Variants in SPAST observed in about 807,000 individuals in gnomAD.
SPAST encodes spastin.
A neutral mutation model predicts 76.6 loss-of-function variants in SPAST; 30 were observed. That is an observed-to-expected ratio of 0.39 (90% confidence interval 0.29 to 0.53). The LOEUF is 0.53. Ranked by LOEUF, SPAST falls within the 20% of genes least tolerant of loss-of-function variation. The pLI is 0.68. For missense variants in SPAST, 717 were observed against 770.5 expected (o/e 0.93, Z 0.82); for synonymous variants, 305 against 281.0 (o/e 1.09, Z -0.86).
At chr2:32,083,741 T>TTATATATACTATATATATA (rs1677340724) in intron 1 of SPAST, among the ~76,000 whole-genome samples, 2 of 57,136 alleles carry the variant, frequency 3.5e-5, no homozygotes, top group African/African-American at 7.0e-5. Context: ...CTATATATAT[T>TTATATATACTATATATATA]TATATATACT....
intron 1 of SPAST, among the ~76,000 whole-genome samples, chr2:32,080,735 G>A (rs1187051953): frequency 7.0e-6 from 1 of 143,014 alleles, no homozygotes; most frequent in Non-Finnish European, 1.5e-5. Flanking sequence ...TTAAGGGATT[G>A]AAATAATTTG....
rs72796870 is a variant in SPAST at position 32,157,509 on chromosome 2, T to C, written c.*3013T>C. On this transcript the variant is annotated 3_prime_UTR_variant, in exon 17 of 17. Coordinates refer to ENST00000315285, the MANE Select transcript of SPAST (RefSeq NM_014946.4). ...GTTTTGGACTCTGAGTCAAAGGATT[T>C]TCCTTTAAATGCTTGTCTCAATTTT... 3,023 of 152,750 alleles carry C rather than the reference T, an allele frequency of 0.02. 59 individuals are homozygous for C. Among genetic ancestry groups the C allele is most frequent in the Non-Finnish European group, 0.03 (2,009 of 68,018 alleles). 9.5% of individuals were successfully genotyped at this position (152,750 alleles called of 1,614,324 possible). A position where few individuals can be genotyped will look rare whatever the true frequency, so the allele number is the denominator to read the frequency against.
At chr2:32,143,456 A>AT (rs1558340921) in intron 14 of SPAST, 41 bp downstream of exon 14, 3 of 1,170,950 alleles carry the variant, frequency 2.6e-6, no homozygotes, top group South Asian at 2.6e-5. Context: ...GCTTTTATTT[A>AT]TTTTTTGTAA....
At chr2:32,088,043 G>A (rs180785542) in intron 2 of SPAST, among the ~76,000 whole-genome samples, 1 of 151,672 alleles carries the variant, frequency 6.6e-6, no homozygotes, top group Non-Finnish European at 1.5e-5. Flanking sequence ...GCATGCCACC[G>A]TGCCCAGCTA....
intron 4 of SPAST, among the ~76,000 whole-genome samples, chr2:32,106,850 G>A (rs750771683): frequency 5.3e-5 from 8 of 151,012 alleles, no homozygotes; most frequent in African/African-American, 1.7e-4. Context: ...TTCTTTTAGC[G>A]TGGCTGTGAA....
chr2:32,121,799 C>T (rs1214465104), intron 7 of SPAST, among the ~76,000 whole-genome samples: 4 of 152,142 alleles, frequency 2.6e-5, no homozygotes, highest in African/African-American at 9.7e-5. Context: ...CTGCTTTGGC[C>T]TCCCAGAGTG....
intron 3 of SPAST, among the ~76,000 whole-genome samples, chr2:32,096,831 A>G (rs1215399292): frequency 6.6e-6 from 1 of 151,818 alleles, no homozygotes; most frequent in Non-Finnish European, 1.5e-5. Flanking sequence ...CAGCATGGTC[A>G]TTTAAAGAGT....
At chr2:32,129,974 G>A (rs1679315908) in intron 9 of SPAST, 1 of 153,088 alleles carries the variant, frequency 6.5e-6, no homozygotes, top group African/African-American at 2.4e-5. Context: ...ACTCCAGCCT[G>A]AGTGACAGTG....
In SPAST at chr2:32,115,773, GAAGAATTTT is replaced by G; in HGVS notation, c.944_952del (p.Lys315_Phe317del). The G allele has an allele frequency of 6.2e-7, 1 of 1,611,900 alleles. No homozygotes were observed. The highest frequency in any genetic ancestry group is 1.7e-4 in the Middle Eastern group (1 of 6,050). On this transcript the variant is annotated inframe_deletion, in exon 6 of 17. Coordinates refer to ENST00000315285, the MANE Select transcript of SPAST (RefSeq NM_014946.4). ...CTGCTACTCGTAAGAAAAAAGACTT[GAAGAATTTT>G]AGGAATGTGGACAGCAACCTTGCTA...
chr2:32,100,725 C>G (rs917924768), intron 4 of SPAST, among the ~76,000 whole-genome samples: 5 of 152,090 alleles, frequency 3.3e-5, no homozygotes, highest in African/African-American at 1.2e-4. Context: ...GTTTTCTGTC[C>G]TTGCGATAGT....
chr2:32,143,306 A>C, intron 13 of SPAST, 30 bp from the exon 14 acceptor site: 1 of 1,242,502 alleles, frequency 8.0e-7, no homozygotes, highest in Non-Finnish European at 1.2e-6. Context: ...CTGAAATTAG[A>C]CTGAATGATC....
intron 3 of SPAST, among the ~76,000 whole-genome samples, chr2:32,095,782 G>C (rs1405923226): frequency 6.6e-6 from 1 of 152,016 alleles, no homozygotes; most frequent in Non-Finnish European, 1.5e-5. Context: ...GATATGTCAG[G>C]AAAATGTGAT....
At chr2:32,078,725 A>C (rs1677075388) in intron 1 of SPAST, among the ~76,000 whole-genome samples, 1 of 152,242 alleles carries the variant, frequency 6.6e-6, no homozygotes, top group South Asian at 2.1e-4. Context: ...GGAAATGATT[A>C]CTAATAAGTT....
chr2:32,072,044 T>A (rs1382262577), intron 1 of SPAST, among the ~76,000 whole-genome samples: 2 of 152,104 alleles, frequency 1.3e-5, no homozygotes, highest in African/African-American at 4.8e-5. Flanking sequence ...TTTGTTTTAT[T>A]TATTTATTTA....
In SPAST at chr2:32,071,367, G is replaced by T. The variant is rs374732177; in HGVS notation, c.415+7121G>T. Among the ~76,000 whole-genome samples, 29 of 152,312 alleles carry T rather than the reference G, an allele frequency of 1.9e-4. No homozygotes were observed. The East Asian group carries it at 4.8e-3, about 25-fold the overall frequency. Reference sequence around the variant, plus strand: ...GGGTCAGGCATTGAAGACAGAAATTGTCTAAGTAAAATATTTTTCTGTTCA... The same window carrying T: ...GGGTCAGGCATTGAAGACAGAAATTTTCTAAGTAAAATATTTTTCTGTTCA... On this transcript the variant is annotated intron_variant, in intron 1 of 16. Transcript: ENST00000315285.
chr2:32,141,076 C>G (rs1041339041), intron 12 of SPAST, among the ~76,000 whole-genome samples: 6 of 151,506 alleles, frequency 4.0e-5, no homozygotes, highest in South Asian at 2.1e-4. Flanking sequence ...GGATAGGTAT[C>G]TTGAGTAGTC....
At chr2:32,066,916 A>G (rs116134207) in intron 1 of SPAST, among the ~76,000 whole-genome samples, 2,183 of 133,072 alleles carry the variant, frequency 0.016, 61 homozygotes, top group African/African-American at 0.058. Context: ...TCAGGCTGCA[A>G]TGAGCTGAGA....
At chr2:32,133,185 CA>C (rs1313844545) in intron 9 of SPAST, among the ~76,000 whole-genome samples, 2 of 152,104 alleles carry the variant, frequency 1.3e-5, no homozygotes, top group Non-Finnish European at 2.9e-5. Flanking sequence ...TTATTTTCCA[CA>C]AAAAATCAGT....
At position 32,063,904 on chromosome 2, in the gene SPAST, C is replaced by G. The variant is rs758920536; in HGVS notation, c.73C>G (p.Pro25Ala). Residue 25 changes from proline to alanine, a missense_variant, in exon 1 of 17, where the codon CCG (proline) becomes GCG (alanine). Transcript: ENST00000315285. ...GASNPVPPRP[P>A]PPCLAPAPPA... is the part of the protein sequence containing the mutation. The stretch of plus-strand genomic sequence containing the variant: ...CAGCAACCCGGTGCCTCCCAGGCCT[C>G]CGCCCCCTTGCCTGGCCCCCGCCCC... The G allele has an allele frequency of 4.4e-6, 7 of 1,581,744 alleles. No individual in the cohort carries two copies. The Admixed American group carries it at 9.1e-5, about 21-fold the overall frequency.
Sources: gnomAD v4.1 joint callset for allele counts (sites outside exome capture counted in the v4.1 genomes callset) on GRCh38, gnomAD v4.1.1 for gene constraint, MANE v1.5 for transcripts, NCBI Gene and HGNC (gene_info 2026-07-23, HGNC 2026-07-21) for gene names.